Variants in NTN1 observed in about 807,000 individuals in gnomAD.
The protein encoded by NTN1 is netrin 1, also known as netrin-1.
In NTN1, 11 loss-of-function variants were observed where a neutral mutation model predicts 54.2. That is an observed-to-expected ratio of 0.20 (90% CI 0.13 to 0.34). The LOEUF (loss-of-function observed/expected upper bound fraction) is 0.34. NTN1 is among the 10% of genes least tolerant of loss of function. The probability of loss-of-function intolerance (pLI) is 1.00; values close to 1 mark genes in which losing one functional copy is unlikely to be tolerated. For missense variants in NTN1, 740 were observed against 893.1 expected (o/e 0.83, Z 2.18); for synonymous variants, 371 against 382.0 (o/e 0.97, Z 0.33).
At chr17:9,068,847 T>C (rs2092024022) in intron 2 of NTN1, among the ~76,000 whole-genome samples, 1 of 152,108 alleles carries the variant, frequency 6.6e-6, no homozygotes, top group Non-Finnish European at 1.5e-5. Flanking sequence ...AGTTAGACCC[T>C]TGGGAGGGAA....
At chr17:9,092,683 T>C (rs2092115878) in intron 2 of NTN1, among the ~76,000 whole-genome samples, 1 of 152,122 alleles carries the variant, frequency 6.6e-6, no homozygotes, top group African/African-American at 2.4e-5. Flanking sequence ...AACCTTTGTG[T>C]CCTGGGTTCA....
intron 6 of NTN1, among the ~76,000 whole-genome samples, chr17:9,236,684 C>G (rs1326755475): frequency 6.6e-6 from 1 of 152,238 alleles, no homozygotes; most frequent in Non-Finnish European, 1.5e-5. Context: ...TTTGTCCTGA[C>G]TGACCACTGT....
rs746632315 is a variant in NTN1, at chr17:9,022,789, G to T, written c.416G>T (p.Gly139Val). ...PHNVTLTLSL[G>V]KKFEVTYVSL... The stretch of plus-strand genomic sequence containing the variant: ...AACGTCACGCTCACACTGTCCCTCG[G>T]CAAGAAGTTCGAAGTGACCTACGTG... The change falls in exon 2 of 7, where the codon GGC becomes GTC. Residue 139 changes from glycine to valine, a missense_variant. Coordinates refer to ENST00000173229, the MANE Select transcript of NTN1 (RefSeq NM_004822.3). 1.2e-6 allele frequency: 2 copies of T among 1,610,690 alleles called. No homozygotes were observed. The highest frequency in any genetic ancestry group is 2.2e-5 in the South Asian group (2 of 90,638).
intron 5 of NTN1, among the ~76,000 whole-genome samples, chr17:9,204,176 GTTCCTTCCTTCCTTCCCTCC>G (rs1328289799): frequency 1.1e-3 from 124 of 117,502 alleles, no homozygotes; most frequent in African/African-American, 4.9e-3. Context: ...CTTAGTAACC[GTTCCTTCCTTCCTTCCCTCC>G]TTCCTTCCTT....
intron 6 of NTN1, among the ~76,000 whole-genome samples, chr17:9,237,563 C>G (rs1353528831): frequency 6.6e-6 from 1 of 152,166 alleles, no homozygotes; most frequent in Admixed American, 6.5e-5. Context: ...CCTGGAGCCC[C>G]AGCCCAGGGT....
intron 2 of NTN1, among the ~76,000 whole-genome samples, chr17:9,035,046 A>G (rs2091899222): frequency 6.6e-6 from 1 of 152,138 alleles, no homozygotes; most frequent in Non-Finnish European, 1.5e-5. Flanking sequence ...TCCCAGGTTC[A>G]TGCCATTCTC....
At chr17:9,082,262 C>T (rs887676838) in intron 2 of NTN1, among the ~76,000 whole-genome samples, 2 of 152,102 alleles carry the variant, frequency 1.3e-5, no homozygotes, top group African/African-American at 2.4e-5. Context: ...GGTTTTGCCA[C>T]GTTGGCTAGG....
intron 6 of NTN1, among the ~76,000 whole-genome samples, chr17:9,233,597 G>A (rs1400284843): frequency 2.0e-5 from 3 of 151,966 alleles, no homozygotes; most frequent in African/African-American, 7.3e-5. Flanking sequence ...GGGAGGTTTT[G>A]GATGGACTGG....
Position 9,022,894 on chromosome 17 carries a change from T to C in NTN1, c.521T>C (p.Phe174Ser). ...SMDYGRTWVP[F>S]QFYSTQCRKM... ...GACTACGGGCGCACGTGGGTGCCCT[T>C]CCAGTTCTACTCCACGCAGTGCCGC... The change falls in exon 2 of 7, where the codon TTC becomes TCC. Residue 174 changes from phenylalanine (F) to serine (S), a missense_variant. Transcript: ENST00000173229. 6.2e-7 allele frequency: 1 copy of C among 1,612,060 alleles called. No homozygotes were observed. The highest frequency in any genetic ancestry group is 8.5e-7 in the Non-Finnish European group (1 of 1,179,872).
intron 5 of NTN1, among the ~76,000 whole-genome samples, chr17:9,215,108 C>T (rs759592805): frequency 7.2e-5 from 11 of 152,228 alleles, no homozygotes; most frequent in Non-Finnish European, 1.3e-4. Context: ...TTGTCAGAAT[C>T]GAGCATGAAA....
chr17:9,191,940 A>G (rs1904473488), intron 5 of NTN1, among the ~76,000 whole-genome samples: 1 of 150,728 alleles, frequency 6.6e-6, no homozygotes, highest in South Asian at 2.1e-4. Flanking sequence ...ACGCCACTGC[A>G]CGGCAGCGTG....
chr17:9,159,388 A>G (rs1293372988), intron 2 of NTN1, among the ~76,000 whole-genome samples: 1 of 152,136 alleles, frequency 6.6e-6, no homozygotes, highest in African/African-American at 2.4e-5. Flanking sequence ...GCCGATACCA[A>G]ATGCATATTA....
At chr17:9,047,336 C>T (rs942081145) in intron 2 of NTN1, among the ~76,000 whole-genome samples, 3 of 152,346 alleles carry the variant, frequency 2.0e-5, no homozygotes, top group East Asian at 1.9e-4. Flanking sequence ...AGTCGATCCT[C>T]TCAAACCCTG....
At chr17:9,157,983 G>T (rs1447127137) in intron 2 of NTN1, among the ~76,000 whole-genome samples, 6 of 152,232 alleles carry the variant, frequency 3.9e-5, no homozygotes, top group African/African-American at 7.2e-5. Flanking sequence ...GCCGGGAGTT[G>T]GGTGACGCCT....
At chr17:9,064,760 C>T (rs2092009544) in intron 2 of NTN1, among the ~76,000 whole-genome samples, 1 of 152,126 alleles carries the variant, frequency 6.6e-6, no homozygotes, top group Non-Finnish European at 1.5e-5. Context: ...TTCCACACAA[C>T]AGCAGTGTGA....
intron 5 of NTN1, 111 bp downstream of exon 5, chr17:9,183,080 C>G: frequency 9.0e-7 from 1 of 1,116,602 alleles, no homozygotes; most frequent in Non-Finnish European, 1.4e-6. Flanking sequence ...AACCACTGTC[C>G]GGGCTCTGCT....
At chr17:9,145,460 C>T (rs1597505030) in intron 2 of NTN1, among the ~76,000 whole-genome samples, 1 of 152,194 alleles carries the variant, frequency 6.6e-6, no homozygotes, top group South Asian at 2.1e-4. Flanking sequence ...AGGACTAACC[C>T]CCTACCACCC....
At chr17:9,055,616 G>A (rs921846005) in intron 2 of NTN1, among the ~76,000 whole-genome samples, 1 of 152,174 alleles carries the variant, frequency 6.6e-6, no homozygotes, top group Non-Finnish European at 1.5e-5. Context: ...AGCTTGCCAC[G>A]TTTGAGCAAC....
intron 2 of NTN1, among the ~76,000 whole-genome samples, chr17:9,099,201 C>T (rs1597487122): frequency 6.6e-6 from 1 of 152,296 alleles, no homozygotes; most frequent in East Asian, 1.9e-4. Context: ...GTCAGGATTT[C>T]GAGACCAGCC....
Sources: allele counts gnomAD v4.1 joint callset (sites outside exome capture counted in the v4.1 genomes callset), GRCh38; gene constraint gnomAD v4.1.1; transcripts MANE v1.5; gene names NCBI Gene and HGNC (gene_info 2026-07-23, HGNC 2026-07-21).